Variants in ARHGEF4 observed in about 807,000 individuals in gnomAD.
The protein encoded by ARHGEF4 is APC-stimulated guanine nucleotide exchange factor 1.
ARHGEF4 carries 119 observed loss-of-function variants against 162.0 expected under a neutral mutation model. That is an observed-to-expected ratio of 0.73 (90% CI 0.63 to 0.86). The LOEUF is 0.86. Among genes scored for constraint, ARHGEF4 ranks in the 40% least tolerant of loss-of-function variants. The pLI is 0.00. For synonymous variants in ARHGEF4, 1,014 were observed against 979.9 expected (o/e 1.03, Z -0.65); for missense variants, 2,488 against 2,456.0 (o/e 1.01, Z -0.28).
chr2:131,042,134 C>T (rs1690865142), intron 10 of ARHGEF4, among the ~76,000 whole-genome samples, 190 bp downstream of exon 10: 1 of 152,250 alleles, frequency 6.6e-6, no homozygotes, highest in Non-Finnish European at 1.5e-5. Flanking sequence ...CCTACCGTAG[C>T]AGGCTTTGGC....
intron 4 of ARHGEF4, among the ~76,000 whole-genome samples, chr2:130,991,838 C>T (rs1687007032): frequency 1.3e-5 from 2 of 152,250 alleles, no homozygotes; most frequent in African/African-American, 4.8e-5. Flanking sequence ...GAGCACATGG[C>T]GCGGGACTGG....
At chr2:130,844,026 G>C (rs1680778252) in intron 1 of ARHGEF4, among the ~76,000 whole-genome samples, 1 of 152,166 alleles carries the variant, frequency 6.6e-6, no homozygotes, top group Middle Eastern at 3.2e-3. Flanking sequence ...AGCCCTTCCT[G>C]AGACTCCAGC....
intron 1 of ARHGEF4, among the ~76,000 whole-genome samples, chr2:130,867,486 T>C (rs1161084675): frequency 6.6e-6 from 1 of 152,114 alleles, no homozygotes; most frequent in East Asian, 1.9e-4. Context: ...TCTGCCCGCC[T>C]TAGCCTCCCA....
rs149851866 is a variant in ARHGEF4 at position 130,972,439 on chromosome 2, G to C, written c.3985+25804G>C. Among the ~76,000 whole-genome samples the C allele has an allele frequency of 1.6e-3, 242 of 152,212 alleles. 1 individual carries two copies. The highest frequency in any genetic ancestry group is 5.4e-3 in the African/African-American group (223 of 41,524). ...ACAGTCACCTTCTTGAGTTCATTTG[G>C]GTTTATGTGATTAATCCTTGCTCCA... On this transcript the variant is annotated intron_variant, in intron 4 of 13. Coordinates refer to ENST00000409359, the MANE Select transcript of ARHGEF4 (RefSeq NM_001367493.1).
At chr2:130,997,512 C>T (rs770156710) in intron 4 of ARHGEF4, among the ~76,000 whole-genome samples, 7 of 152,178 alleles carry the variant, frequency 4.6e-5, no homozygotes, top group Non-Finnish European at 1.0e-4. Context: ...GCAGGCATCA[C>T]GTGCATTCTT....
intron 3 of ARHGEF4, among the ~76,000 whole-genome samples, chr2:130,937,350 T>C (rs150547959): frequency 7.9e-5 from 12 of 152,324 alleles, no homozygotes; most frequent in East Asian, 3.9e-4. Flanking sequence ...AAAATCTCAA[T>C]TGGCCATCTT....
chr2:131,041,308 C>T lies in ARHGEF4; in HGVS notation c.4741C>T (p.Leu1581Phe), dbSNP rs1322860551. 1 of 1,613,922 alleles carries T rather than the reference C, an allele frequency of 6.2e-7. No individual in the cohort carries two copies. Residue 1581 changes from leucine to phenylalanine, a missense_variant, in exon 9 of 14, where the codon CTC (leucine) becomes TTC (phenylalanine). Leu to Phe is a conservative substitution (Grantham distance 22, BLOSUM62 0). Around this residue, in one of 6 missense-constraint regions of ARHGEF4, gnomAD observed 415 missense variants for 512.4 expected, o/e 0.81. Transcript: ENST00000409359. ...ACVELSRLTKLSKYVYFFEAC... is the reference protein window; with the variant it reads ...ACVELSRLTKFSKYVYFFEAC... Reference sequence around the variant, plus strand: ...CGTGGAGCTCTCCCGGCTCACCAAGCTCAGCAAGTACGTGTACTTCTTCGA... The same window carrying T: ...CGTGGAGCTCTCCCGGCTCACCAAGTTCAGCAAGTACGTGTACTTCTTCGA...
intron 4 of ARHGEF4, among the ~76,000 whole-genome samples, chr2:131,020,772 C>T (rs1346520575): frequency 6.6e-6 from 1 of 152,202 alleles, no homozygotes; most frequent in African/African-American, 2.4e-5. Flanking sequence ...GCCACACTGA[C>T]TTCCACAATG....
chr2:131,005,613 A>G (rs1573590009), intron 4 of ARHGEF4, among the ~76,000 whole-genome samples: 1 of 152,224 alleles, frequency 6.6e-6, no homozygotes, highest in East Asian at 1.9e-4. Flanking sequence ...TAGTCTTCCC[A>G]GTCCCAGGGG....
intron 9 of ARHGEF4, 46 bp from the exon 10 acceptor site, chr2:131,041,769 C>T (rs371455929): frequency 2.7e-5 from 43 of 1,598,286 alleles, no homozygotes; most frequent in Non-Finnish European, 3.5e-5. Context: ...CTCACCCTTT[C>T]TCTGTCTCCA....
intron 1 of ARHGEF4, among the ~76,000 whole-genome samples, chr2:130,906,786 CT>C (rs1310519021): frequency 6.6e-6 from 1 of 152,210 alleles, no homozygotes; most frequent in African/African-American, 2.4e-5. Flanking sequence ...TTTCCTACCC[CT>C]GTCAGCATGG....
chr2:131,007,855 G>A (rs1214731347), intron 4 of ARHGEF4, among the ~76,000 whole-genome samples: 10 of 118,916 alleles, frequency 8.4e-5, no homozygotes, highest in African/African-American at 2.9e-4. Flanking sequence ...CCTATCCCCC[G>A]GGCTGGAGTG....
rs763730481 is a variant in ARHGEF4, at chr2:131,046,221, C to T, written c.*32C>T. 1 of 1,582,738 alleles carries T rather than the reference C, an allele frequency of 6.3e-7. No homozygotes were observed. Among genetic ancestry groups the T allele is most frequent in the South Asian group, 1.1e-5 (1 of 89,072 alleles). On this transcript the variant is annotated 3_prime_UTR_variant, in exon 14 of 14. Transcript: ENST00000409359. Reference sequence around the variant, plus strand: ...CCCTGCCTGACAGCACCTGCTGGGCCTTCCTGCCAGTGGCCCCCAGTTTTT... The same window carrying T: ...CCCTGCCTGACAGCACCTGCTGGGCTTTCCTGCCAGTGGCCCCCAGTTTTT...
chr2:131,045,262 C>G, intron 12 of ARHGEF4, 107 bp from the exon 13 acceptor site: 1 of 1,071,012 alleles, frequency 9.3e-7, no homozygotes, highest in Non-Finnish European at 1.4e-6. Flanking sequence ...AGTACTGAGT[C>G]CCCAGTACAT....
At position 130,976,155 on chromosome 2, in the gene ARHGEF4, A is replaced by C. The variant is rs199660049; in HGVS notation, c.3985+29520A>C. ...GTGCAAGGTGATGAGTGTGAAGAAG[A>C]AGCTCAGCCATGTCCTGGAACATCC... is the stretch of plus-strand genomic sequence containing the variant. On this transcript the variant is annotated intron_variant, in intron 4 of 13. Coordinates refer to ENST00000409359, the MANE Select transcript of ARHGEF4 (RefSeq NM_001367493.1). Among the ~76,000 whole-genome samples, 17 of 152,098 alleles carry C rather than the reference A, an allele frequency of 1.1e-4. 1 individual carries two copies. The highest frequency in any genetic ancestry group is 4.1e-4 in the South Asian group (2 of 4,826).
intron 2 of ARHGEF4, among the ~76,000 whole-genome samples, chr2:130,925,482 T>G (rs946737154): frequency 6.6e-6 from 1 of 152,246 alleles, no homozygotes; most frequent in Non-Finnish European, 1.5e-5. Context: ...ATGCAAGAAC[T>G]TCCTTTAGCC....
chr2:130,883,807 G>C lies in ARHGEF4; in HGVS notation c.40-30179G>C, dbSNP rs982673532. On this transcript the variant is annotated intron_variant, in intron 1 of 13. Transcript: ENST00000409359. ...GTGTCCTGCCTCCTGGTGTCTGCAG[G>C]CAGATGGCCTAGGCTGGAAACTGGG... 9.2e-5 allele frequency among the ~76,000 whole-genome samples: 14 copies of C among 152,262 alleles called. 1 individual carries two copies. The highest frequency in any genetic ancestry group is 7.2e-4 in the Admixed American group (11 of 15,300).
chr2:130,964,379 C>T (rs1684856738), intron 4 of ARHGEF4: 2 of 406,504 alleles, frequency 4.9e-6, no homozygotes, highest in Non-Finnish European at 6.6e-6. Context: ...ATCTCCTGGT[C>T]CCTTCCTTCC....
intron 1 of ARHGEF4, among the ~76,000 whole-genome samples, chr2:130,871,103 G>A (rs888184367): frequency 1.3e-5 from 2 of 152,186 alleles, no homozygotes; most frequent in Admixed American, 6.5e-5. Context: ...CCTCTGGGGG[G>A]CATAAAGGGG....
Sources: allele counts gnomAD v4.1 joint callset (sites outside exome capture counted in the v4.1 genomes callset), GRCh38; gene constraint gnomAD v4.1.1; regional missense constraint gnomAD v4.1.1; transcripts MANE v1.5; gene names NCBI Gene and HGNC (gene_info 2026-07-23, HGNC 2026-07-21).